The following IL13RA2 variants were observed in gnomAD, a reference collection of about 807,000 sequenced individuals.
IL13RA2 encodes interleukin-13 receptor subunit alpha-2.
Under a neutral mutation model 34.1 loss-of-function variants are expected in IL13RA2, and 25 were observed. The ratio of observed to expected loss-of-function variants is 0.73; its 90% CI spans 0.53 to 1.03. IL13RA2 has a LOEUF of 1.03. IL13RA2 is among the 50% of genes least tolerant of loss of function. The pLI, the probability that IL13RA2 is intolerant of heterozygous loss-of-function variation, is 0.00. For missense variants in IL13RA2, 297 were observed against 280.9 expected (o/e 1.06, Z -0.41); for synonymous variants, 106 against 100.4 (o/e 1.06, Z -0.33).
chrX:115,006,705 C>T (rs1367295109), intron 8 of IL13RA2, among the ~76,000 whole-genome samples: 1 of 111,168 alleles, frequency 9.0e-6, no homozygotes, highest in Non-Finnish European at 1.9e-5. Flanking sequence ...AGATTTCCCT[C>T]AAAGCAAGAG....
chrX:115,006,705 C>A (rs1367295109), intron 8 of IL13RA2, among the ~76,000 whole-genome samples: 1 of 111,168 alleles, frequency 9.0e-6, no homozygotes, highest in Non-Finnish European at 1.9e-5. Flanking sequence ...AGATTTCCCT[C>A]AAAGCAAGAG....
intron 8 of IL13RA2, among the ~76,000 whole-genome samples, chrX:115,007,407 T>C (rs1308920872): frequency 8.9e-6 from 1 of 112,470 alleles, no homozygotes; most frequent in Non-Finnish European, 1.9e-5. Context: ...ACATTTTACC[T>C]CATTCTTTAG....
At position 115,005,449 on chromosome X, in the gene IL13RA2, C is replaced by T. The variant is rs1287677533; in HGVS notation, c.998-134G>A. On this transcript the variant is annotated intron_variant, in intron 8 of 9. Transcript: ENST00000243213. Reference sequence around the variant, plus strand: ...TGTCATATTTGCCAGTGCATAAATACCACAATTGTGTTTGAGTATAGCGTT... The same window carrying T: ...TGTCATATTTGCCAGTGCATAAATATCACAATTGTGTTTGAGTATAGCGTT... The T allele has an allele frequency of 1.2e-5, 6 of 485,413 alleles. No individual in the cohort carries two copies. The Admixed American group carries it at 2.1e-4, about 17-fold the overall frequency. The allele number at this position is 485,413 out of a possible 1,213,427, so 40.0% of individuals were successfully genotyped here.
At chrX:115,009,458 C>T (rs1331474118) in intron 7 of IL13RA2, 63 bp downstream of exon 7, 9 of 966,047 alleles carry the variant, frequency 9.3e-6, no homozygotes, top group Admixed American at 2.3e-5. Flanking sequence ...TTGGTTCTCA[C>T]ATTTGCTATT....
At chrX:115,008,966 C>G (rs782543545) in intron 7 of IL13RA2, among the ~76,000 whole-genome samples, 13 of 111,785 alleles carry the variant, frequency 1.2e-4, no homozygotes, top group African/African-American at 4.2e-4. Flanking sequence ...ATTAGAACTA[C>G]TGACTCACTA....
chrX:115,011,111 T>C (rs957005403), intron 5 of IL13RA2, among the ~76,000 whole-genome samples: 1 of 111,913 alleles, frequency 8.9e-6, no homozygotes, highest in Non-Finnish European at 1.9e-5. Context: ...TTAGGTTATA[T>C]TGATTCATCA....
intron 2 of IL13RA2, among the ~76,000 whole-genome samples, chrX:115,016,310 T>C (rs1199906332): frequency 9.0e-6 from 1 of 111,131 alleles, no homozygotes; most frequent in Non-Finnish European, 1.9e-5. Context: ...TTAAAGAATA[T>C]AGTTTTGTAT....
chrX:115,009,271 C>T (rs2071696671), intron 7 of IL13RA2, among the ~76,000 whole-genome samples: 1 of 110,175 alleles, frequency 9.1e-6, no homozygotes, highest in Non-Finnish European at 1.9e-5. Context: ...TAAGCCTTCA[C>T]CAACTTTAAT....
At chrX:115,008,368 A>G (rs146597827) in intron 7 of IL13RA2, among the ~76,000 whole-genome samples, 1 of 111,742 alleles carries the variant, frequency 8.9e-6, no homozygotes, top group African/African-American at 3.2e-5. Flanking sequence ...CTTGGTGTTT[A>G]TAACACCCAG....
At chrX:115,013,613 A>G (rs1215121128) in intron 5 of IL13RA2, among the ~76,000 whole-genome samples, 156 bp downstream of exon 5, 1 of 111,614 alleles carries the variant, frequency 9.0e-6, no homozygotes, top group African/African-American at 3.3e-5. Context: ...ACTTACACCC[A>G]TTGAAAACCT....
intron 8 of IL13RA2, 38 bp downstream of exon 8, chrX:115,007,894 A>C: frequency 2.3e-6 from 2 of 851,345 alleles, no homozygotes; most frequent in Non-Finnish European, 3.4e-6. Flanking sequence ...TTGCTAGCAA[A>C]GAGCTCATTA....
rs142667478 is a variant in IL13RA2, at chrX:115,005,303, G to A, written c.1010C>T (p.Ser337Leu). 9 of 969,048 alleles carry A rather than the reference G, an allele frequency of 9.3e-6. No homozygotes were observed. Among genetic ancestry groups the A allele is most frequent in the East Asian group, 9.2e-5 (3 of 32,704 alleles). 79.9% of individuals were successfully genotyped at this position (969,048 alleles called of 1,213,427 possible). A position where few individuals can be genotyped will look rare whatever the true frequency, so the allele number is the denominator to read the frequency against. The change falls in exon 9 of 10, where the codon TCG becomes TTG. Residue 337 changes from serine (S) to leucine (L), a missense_variant. Transcript: ENST00000243213. ...CCAGAAACGTAGCAAAGTTTTCTTC[G>A]ATAGGTCTTCACCTAGGATTAAAAA... is the stretch of plus-strand genomic sequence containing the variant. ...DKQCWEGEDL[S>L]KKTLLRFWLP...
rs781817622 is a variant in IL13RA2, at chrX:115,017,245, C to T, written c.25G>A (p.Gly9Arg). The T allele has an allele frequency of 4.1e-6, 4 of 984,821 alleles. No individual in the cohort carries two copies. Among genetic ancestry groups the T allele is most frequent in the South Asian group, 2.0e-5 (1 of 50,199 alleles). The allele number at this position is 984,821 out of a possible 1,213,427, so 81.2% of individuals were successfully genotyped here. MAFVCLAI[G>R]CLYTFLISTT... Reference sequence around the variant, plus strand: ...CTTATCAGAAAGGTATATAAGCATCCGATAGCCAAGCAAACGAAAGCCATT... The same window carrying T: ...CTTATCAGAAAGGTATATAAGCATCTGATAGCCAAGCAAACGAAAGCCATT... Residue 9 changes from glycine (G) to arginine (R), a missense_variant, in exon 2 of 10, where the codon GGA (glycine) becomes AGA (arginine). Physicochemically the swap from Gly to Arg is moderately radical, Grantham distance 125 (BLOSUM62 -2). Transcript: ENST00000243213.
chrX:115,017,419 CTG>C, intron 1 of IL13RA2, 117 bp from the exon 2 acceptor site: 2 of 436,226 alleles, frequency 4.6e-6, no homozygotes, highest in Non-Finnish European at 8.0e-6. Context: ...ACTGGGAAAA[CTG>C]TGTCCACCTC....
intron 6 of IL13RA2, among the ~76,000 whole-genome samples, chrX:115,010,123 T>C (rs2071700347): frequency 9.0e-6 from 1 of 111,722 alleles, no homozygotes; most frequent in Non-Finnish European, 1.9e-5. Context: ...GTTATCCTCA[T>C]GTTACTACTA....
chrX:115,016,734 TG>T (rs1286735628), intron 2 of IL13RA2, among the ~76,000 whole-genome samples: 1 of 107,058 alleles, frequency 9.3e-6, no homozygotes, highest in South Asian at 3.8e-4. Context: ...ATAATATAAT[TG>T]AAAAATTAAA....
intron 8 of IL13RA2, among the ~76,000 whole-genome samples, chrX:115,007,424 T>A (rs2071689579): frequency 8.9e-6 from 1 of 112,433 alleles, no homozygotes; most frequent in Non-Finnish European, 1.9e-5. Context: ...TTAGGCTTTT[T>A]AGTTTATATT....
At chrX:115,013,002 A>C (rs2071712315) in intron 5 of IL13RA2, among the ~76,000 whole-genome samples, 2 of 111,498 alleles carry the variant, frequency 1.8e-5, no homozygotes, top group South Asian at 7.5e-4. Flanking sequence ...AATTGAGTGG[A>C]GCATTCACAT....
intron 9 of IL13RA2, 120 bp downstream of exon 9, chrX:115,005,077 C>A: frequency 2.1e-6 from 1 of 472,296 alleles, no homozygotes; most frequent in Non-Finnish European, 3.8e-6. Flanking sequence ...CATACGGAAT[C>A]AATTGTACAC....
Sources: allele counts gnomAD v4.1 joint callset (sites outside exome capture counted in the v4.1 genomes callset), GRCh38; gene constraint gnomAD v4.1.1; transcripts MANE v1.5; gene names NCBI Gene and HGNC (gene_info 2026-07-23, HGNC 2026-07-21).